NCOR1: variants seen among roughly 807,000 people sequenced by gnomAD.
NCOR1 encodes the protein protein phosphatase 1, regulatory subunit 109.
Under a neutral mutation model 288.1 loss-of-function variants are expected in NCOR1, and 63 were observed. That is an observed-to-expected ratio of 0.22 (90% CI 0.18 to 0.27). NCOR1 has a LOEUF of 0.27. NCOR1 is among the 10% of genes least tolerant of loss of function. The probability of loss-of-function intolerance (pLI) is 1.00; values close to 1 mark genes in which losing one functional copy is unlikely to be tolerated. For synonymous variants in NCOR1, 1,007 were observed against 1,065.9 expected, an observed-to-expected ratio of 0.94 and a Z score of 1.08; for missense variants, 2,397 against 3,019.2, an observed-to-expected ratio of 0.79 and a Z score of 4.83.
intron 1 of NCOR1, among the ~76,000 whole-genome samples, chr17:16,208,654 C>G (rs1357462913): frequency 6.6e-6 from 1 of 151,686 alleles, no homozygotes; most frequent in Non-Finnish European, 1.5e-5. Flanking sequence ...AATTTGAGGT[C>G]AGCCTGAGCA....
intron 14 of NCOR1, among the ~76,000 whole-genome samples, chr17:16,136,456 T>C (rs2076406876): frequency 1.3e-5 from 2 of 152,286 alleles, no homozygotes; most frequent in South Asian, 4.1e-4. Flanking sequence ...CCTCCCAAAG[T>C]ACGGGGATTA....
rs1471461214 is a variant in NCOR1 at position 16,127,286 on chromosome 17, T to TATGC, written c.1510-1081_1510-1080insGCAT. ...GTATATATGTATGTATATATACGTGTATATATGTATGTATGTATATATACA... is the reference window on the plus strand; with the variant it reads ...GTATATATGTATGTATATATACGTGTATGCATATATGTATGTATGTATATATACA... On this transcript the variant is annotated intron_variant, in intron 14 of 45. Coordinates refer to ENST00000268712, the MANE Select transcript of NCOR1 (RefSeq NM_006311.4). Among the ~76,000 whole-genome samples the TATGC allele has an allele frequency of 2.0e-4, 26 of 131,420 alleles. 7 individuals are homozygous for TATGC. Among genetic ancestry groups the TATGC allele is most frequent in the African/African-American group, 3.0e-4 (10 of 33,348 alleles). 86.2% of individuals were successfully genotyped at this position (131,420 alleles called of 152,430 possible). A position where few individuals can be genotyped will look rare whatever the true frequency, so the allele number is the denominator to read the frequency against.
At chr17:16,082,591 G>A (rs947451446) in intron 23 of NCOR1, among the ~76,000 whole-genome samples, 2 of 151,948 alleles carry the variant, frequency 1.3e-5, no homozygotes, top group Non-Finnish European at 2.9e-5. Context: ...GCATAGTGAT[G>A]CATGCCTGTA....
At chr17:16,118,528 G>A (rs1362709821) in intron 17 of NCOR1, among the ~76,000 whole-genome samples, 1 of 151,862 alleles carries the variant, frequency 6.6e-6, no homozygotes, top group African/African-American at 2.4e-5. Context: ...AAAATCCTAT[G>A]GTAATACAAT....
chr17:16,175,858 T>C (rs576383033), intron 3 of NCOR1, among the ~76,000 whole-genome samples: 2 of 149,710 alleles, frequency 1.3e-5, no homozygotes, highest in African/African-American at 4.9e-5. Context: ...AAAAGATGGG[T>C]TTATGGCTAA....
chr17:16,201,350 G>C (rs1005977612), intron 1 of NCOR1, among the ~76,000 whole-genome samples: 2 of 152,170 alleles, frequency 1.3e-5, no homozygotes, highest in Non-Finnish European at 2.9e-5. Flanking sequence ...TGTAATCCCA[G>C]CACTTTGGGA....
intron 6 of NCOR1, among the ~76,000 whole-genome samples, chr17:16,155,885 A>C (rs1024683718): frequency 2.6e-5 from 4 of 152,188 alleles, no homozygotes; most frequent in African/African-American, 9.7e-5. Context: ...AGCCTTGGGG[A>C]GTACATATCA....
chr17:16,117,136 C>A (rs773416959), intron 18 of NCOR1, among the ~76,000 whole-genome samples: 22 of 152,232 alleles, frequency 1.4e-4, no homozygotes, highest in South Asian at 4.1e-4. Context: ...AATATTTATA[C>A]CATGGAATCT....
At chr17:16,107,537 C>T (rs1170314665) in intron 19 of NCOR1, among the ~76,000 whole-genome samples, 1 of 152,122 alleles carries the variant, frequency 6.6e-6, no homozygotes, top group African/African-American at 2.4e-5. Flanking sequence ...CCTCCAGAAC[C>T]GTGAGAAAAT....
chr17:16,175,668 G>A (rs960007881), intron 3 of NCOR1, among the ~76,000 whole-genome samples: 3 of 151,872 alleles, frequency 2.0e-5, no homozygotes, highest in Admixed American at 6.6e-5. Flanking sequence ...CAGGAGGATC[G>A]CTTGATGCTG....
intron 40 of NCOR1, among the ~76,000 whole-genome samples, chr17:16,050,811 CTGT>C (rs1295960423): frequency 6.6e-6 from 1 of 151,784 alleles, no homozygotes; most frequent in Non-Finnish European, 1.5e-5. Flanking sequence ...TTTGCCTTCT[CTGT>C]TGTTGCCCAT....
At position 16,031,614 on chromosome 17, in the gene NCOR1, T is replaced by A. The variant is rs1387548233; in HGVS notation, c.*682A>T. The A allele has an allele frequency of 6.4e-5, 14 of 220,152 alleles. No individual in the cohort carries two copies. Among genetic ancestry groups the A allele is most frequent in the East Asian group, 2.0e-4 (3 of 15,012 alleles). The allele number at this position is 220,152 out of a possible 1,614,324, so 13.6% of individuals were successfully genotyped here. ...CAGTGCTACTAATGAAAAAAAAAAA[T>A]TAAAGCCTGCACTGGAAATTTACAA... On this transcript the variant is annotated 3_prime_UTR_variant, in exon 46 of 46. Coordinates refer to ENST00000268712, the MANE Select transcript of NCOR1 (RefSeq NM_006311.4).
chr17:16,065,918 G>T, intron 32 of NCOR1: 3 of 534,996 alleles, frequency 5.6e-6, no homozygotes, highest in South Asian at 2.3e-5. Context: ...GATAACAGTA[G>T]CTAAAAACTT....
intron 40 of NCOR1, among the ~76,000 whole-genome samples, chr17:16,056,025 T>C (rs1267883040): frequency 6.6e-6 from 1 of 152,234 alleles, no homozygotes; most frequent in African/African-American, 2.4e-5. Context: ...AGGTGTATTA[T>C]ACTTGTTCTC....
intron 1 of NCOR1, among the ~76,000 whole-genome samples, chr17:16,213,154 T>C (rs888482459): frequency 3.3e-5 from 5 of 151,908 alleles, no homozygotes; most frequent in African/African-American, 9.7e-5. Flanking sequence ...ATTAAGAGGA[T>C]AGGCAAAACA....
At chr17:16,095,212 C>T (rs1284933864) in intron 21 of NCOR1, among the ~76,000 whole-genome samples, 5 of 151,586 alleles carry the variant, frequency 3.3e-5, no homozygotes, top group Admixed American at 2.0e-4. Context: ...CGCCTCTACC[C>T]CGCCGCCCCG....
chr17:16,034,037 G>A (rs181209457), intron 45 of NCOR1, among the ~76,000 whole-genome samples: 1 of 152,268 alleles, frequency 6.6e-6, no homozygotes, highest in African/African-American at 2.4e-5. Context: ...TTCTAATTTT[G>A]ATTTCTTAGT....
At chr17:16,065,845 T>G in intron 32 of NCOR1, 151 bp from the exon 33 acceptor site, 3 of 666,336 alleles carry the variant, frequency 4.5e-6, no homozygotes, top group Non-Finnish European at 7.8e-6. Context: ...GTGGATTTAT[T>G]TTAGACCTTG....
At chr17:16,077,510 G>C (rs2062689285) in intron 26 of NCOR1, among the ~76,000 whole-genome samples, 1 of 32,980 alleles carries the variant, frequency 3.0e-5, no homozygotes, top group African/African-American at 1.5e-4. Context: ...GAGGGGAGGA[G>C]AGGGGAGGGG....
Sources: allele counts gnomAD v4.1 joint callset (sites outside exome capture counted in the v4.1 genomes callset), GRCh38; gene constraint gnomAD v4.1.1; transcripts MANE v1.5; gene names NCBI Gene and HGNC (gene_info 2026-07-23, HGNC 2026-07-21).